The following DOK6 variants were observed in gnomAD, a reference collection of about 807,000 sequenced individuals.
DOK6 encodes the protein docking protein 6, also known as downstream of tyrosine kinase 6.
In DOK6, 22 loss-of-function variants were observed where a neutral mutation model predicts 44.0. That is an observed-to-expected ratio of 0.50 (90% CI 0.36 to 0.71). The LOEUF (loss-of-function observed/expected upper bound fraction) is 0.71. DOK6 is among the 30% of genes least tolerant of loss of function. The pLI, the probability that DOK6 is intolerant of heterozygous loss-of-function variation, is 0.00. For missense variants in DOK6, 340 were observed against 416.4 expected (o/e 0.82, Z 1.60); for synonymous variants, 166 against 145.5 (o/e 1.14, Z -1.01).
At chr18:69,668,130 A>C (rs1237762267) in intron 3 of DOK6, among the ~76,000 whole-genome samples, 1 of 152,004 alleles carries the variant, frequency 6.6e-6, no homozygotes, top group African/African-American at 2.4e-5. Context: ...TCTGCTTGCA[A>C]ATCTTGTAGG....
At chr18:69,605,603 T>C (rs1014561441) in intron 3 of DOK6, among the ~76,000 whole-genome samples, 2 of 152,140 alleles carry the variant, frequency 1.3e-5, no homozygotes, top group African/African-American at 2.4e-5. Context: ...TAATTTTCAA[T>C]ATTCAGGAAA....
intron 1 of DOK6, among the ~76,000 whole-genome samples, chr18:69,552,977 A>G (rs1982602099): frequency 6.6e-6 from 1 of 152,262 alleles, no homozygotes; most frequent in Non-Finnish European, 1.5e-5. Context: ...TCTGGATGGT[A>G]GTGGAATTTT....
intron 2 of DOK6, among the ~76,000 whole-genome samples, chr18:69,587,431 A>G (rs1983528979): frequency 6.6e-6 from 1 of 152,042 alleles, no homozygotes; most frequent in African/African-American, 2.4e-5. Flanking sequence ...GACACTTGCC[A>G]TTAGATTTAA....
intron 5 of DOK6, 131 bp from the exon 6 acceptor site, chr18:69,738,834 G>GA: frequency 1.8e-6 from 2 of 1,134,114 alleles, no homozygotes; most frequent in Non-Finnish European, 2.5e-6. Context: ...GGTTACGGCT[G>GA]AATCAGCCTC....
chr18:69,788,942 G>C lies in DOK6; in HGVS notation c.856+31069G>C, dbSNP rs189108398. ...TAATGCAACTCATTAAAATACAATA[G>C]TGTATATGACTTCAACTCGTCTTAA... On this transcript the variant is annotated intron_variant, in intron 7 of 7. Coordinates refer to ENST00000382713, the MANE Select transcript of DOK6 (RefSeq NM_152721.6). Among the ~76,000 whole-genome samples, 3 of 152,278 alleles carry C rather than the reference G, an allele frequency of 2.0e-5. No homozygotes were observed. In the East Asian group the frequency reaches 5.8e-4, roughly 29 times the overall value.
At chr18:69,563,694 T>C (rs1982898128) in intron 1 of DOK6, among the ~76,000 whole-genome samples, 2 of 151,556 alleles carry the variant, frequency 1.3e-5, no homozygotes, top group South Asian at 4.2e-4. Context: ...GAGATATACC[T>C]AATGTTAAAT....
intron 3 of DOK6, among the ~76,000 whole-genome samples, chr18:69,652,120 C>T (rs1281326869): frequency 1.3e-5 from 2 of 152,084 alleles, no homozygotes; most frequent in Middle Eastern, 3.2e-3. Context: ...ATAAGGGTGT[C>T]CTTCTTTCAT....
At position 69,841,346 on chromosome 18, in the gene DOK6, G is replaced by A. The variant is rs772244942; in HGVS notation, c.959G>A (p.Ser320Asn). The change falls in exon 8 of 8, where the codon AGC becomes AAC. Residue 320 changes from serine to asparagine, a missense_variant. By Grantham distance (46) the Ser-to-Asn change is conservative. Coordinates refer to ENST00000382713, the MANE Select transcript of DOK6 (RefSeq NM_152721.6). Reference sequence around the variant, plus strand: ...CAGCAGCCGTTGTCGCGGTCCAGCAGCTATGGATTCAGCTACAGCTCCAGC... The same window carrying A: ...CAGCAGCCGTTGTCGCGGTCCAGCAACTATGGATTCAGCTACAGCTCCAGC... ...EAQQPLSRSS[S>N]YGFSYSSSLI... 2 of 1,614,196 alleles carry A rather than the reference G, an allele frequency of 1.2e-6. No homozygotes were observed. Among genetic ancestry groups the A allele is most frequent in the Middle Eastern group, 1.6e-4 (1 of 6,062 alleles).
At chr18:69,769,403 A>G (rs1192394686) in intron 7 of DOK6, among the ~76,000 whole-genome samples, 1 of 152,056 alleles carries the variant, frequency 6.6e-6, no homozygotes, top group Non-Finnish European at 1.5e-5. Context: ...AGGATTCTGT[A>G]TGTGCTCAAA....
chr18:69,402,117 G>C (rs1031274210), intron 1 of DOK6, among the ~76,000 whole-genome samples: 2 of 152,156 alleles, frequency 1.3e-5, no homozygotes, highest in Admixed American at 6.5e-5. Flanking sequence ...GACTTGGGAC[G>C]CGAGAGAGAG....
At chr18:69,407,793 G>A (rs1413599254) in intron 1 of DOK6, among the ~76,000 whole-genome samples, 1 of 152,152 alleles carries the variant, frequency 6.6e-6, no homozygotes, top group Non-Finnish European at 1.5e-5. Context: ...AAAATATTTT[G>A]TCTGCCATTT....
chr18:69,796,668 TA>T (rs1384158037), intron 7 of DOK6, among the ~76,000 whole-genome samples: 1 of 152,202 alleles, frequency 6.6e-6, no homozygotes, highest in East Asian at 1.9e-4. Context: ...TGAATGAATT[TA>T]AAAAGTGTAC....
chr18:69,698,363 CT>C, intron 4 of DOK6, 40 bp from the exon 5 acceptor site: 1 of 1,553,690 alleles, frequency 6.4e-7, no homozygotes, highest in African/African-American at 1.4e-5. Context: ...ACACTCACAC[CT>C]CTTTTCACTT....
At chr18:69,596,901 G>A (rs1983754370) in intron 2 of DOK6, among the ~76,000 whole-genome samples, 1 of 152,124 alleles carries the variant, frequency 6.6e-6, no homozygotes, top group African/African-American at 2.4e-5. Context: ...CACAAAGGAG[G>A]TGGTGGCAGC....
Position 69,401,297 on chromosome 18 carries a change from G to C in DOK6, c.53G>C (p.Ser18Thr), listed in dbSNP as rs1275228692. 4 of 1,581,256 alleles carry C rather than the reference G, an allele frequency of 2.5e-6. No individual in the cohort carries two copies. Among genetic ancestry groups the C allele is most frequent in the Non-Finnish European group, 3.4e-6 (4 of 1,164,284 alleles). Residue 18 changes from serine (S) to threonine (T), a missense_variant, in exon 1 of 8, where the codon AGC becomes ACC. By Grantham distance (58) the Ser-to-Thr change is moderately conservative. Transcript: ENST00000382713. ...AAGCAGGGCTACGTGAAAATCCGCA[G>C]CAGGAAGCTTGGGGTGAGTGGCTCG... ...IVKQGYVKIR[S>T]RKLGIFRRCW...
intron 7 of DOK6, among the ~76,000 whole-genome samples, chr18:69,765,233 G>A (rs1979681708): frequency 6.6e-6 from 1 of 152,140 alleles, no homozygotes; most frequent in African/African-American, 2.4e-5. Context: ...GCCTCTGATA[G>A]CCAATTTTAA....
intron 7 of DOK6, among the ~76,000 whole-genome samples, chr18:69,811,204 A>G (rs1000303874): frequency 1.3e-5 from 2 of 151,996 alleles, no homozygotes; most frequent in African/African-American, 4.8e-5. Flanking sequence ...AGCCAGACAC[A>G]GAGCGGAAAA....
chr18:69,544,287 T>C (rs1258470533), intron 1 of DOK6, among the ~76,000 whole-genome samples: 1 of 151,328 alleles, frequency 6.6e-6, no homozygotes, highest in Non-Finnish European at 1.5e-5. Context: ...AAAAAACTTG[T>C]CCAGAAACTC....
intron 1 of DOK6, among the ~76,000 whole-genome samples, chr18:69,499,781 C>A (rs539858668): frequency 6.6e-6 from 1 of 152,278 alleles, no homozygotes; most frequent in South Asian, 2.1e-4. Flanking sequence ...ATTAAACCTG[C>A]TCTTTCTGCA....
Sources: gnomAD v4.1 joint callset for allele counts (sites outside exome capture counted in the v4.1 genomes callset) on GRCh38, gnomAD v4.1.1 for gene constraint, MANE v1.5 for transcripts, NCBI Gene and HGNC (gene_info 2026-07-23, HGNC 2026-07-21) for gene names.